The following PAICS variants were observed in gnomAD, a reference collection of about 807,000 sequenced individuals.
PAICS encodes the protein bifunctional phosphoribosylaminoimidazole carboxylase/phosphoribosylaminoimidazole succinocarboxamide synthetase.
Under a neutral mutation model 53.7 loss-of-function variants are expected in PAICS, and 33 were observed. That is an observed-to-expected ratio of 0.61 (90% CI 0.47 to 0.82). PAICS has a LOEUF of 0.82. Ranked by LOEUF, PAICS falls within the 40% of genes least tolerant of loss-of-function variation. The probability of loss-of-function intolerance (pLI) is 0.00; values close to 1 mark genes in which losing one functional copy is unlikely to be tolerated. For missense variants in PAICS, 394 were observed against 494.1 expected (o/e 0.80, Z 1.92); for synonymous variants, 141 against 167.2 (o/e 0.84, Z 1.21).
chr4:56,456,377 C>T (rs2110098597), intron 8 of PAICS, among the ~76,000 whole-genome samples: 1 of 152,292 alleles, frequency 6.6e-6, no homozygotes, highest in Non-Finnish European at 1.5e-5. Flanking sequence ...TGGGCGTCAG[C>T]CACTGTGCCC....
the PAICS span, among the ~76,000 whole-genome samples, chr4:56,412,846 T>C: frequency 1.3e-5 from 2 of 152,192 alleles, no homozygotes; most frequent in Non-Finnish European, 2.9e-5. Context: ...CCATATACTT[T>C]CCACAATACC....
Position 56,453,602 on chromosome 4 carries a change from G to A in PAICS, c.953-1G>A. On this transcript the variant is annotated splice_acceptor_variant, in intron 7 of 8. Transcript: ENST00000512576. LOFTEE classifies it high-confidence loss of function. ...TAATTATACTCTTGTCATTTCCCTA[G>A]GGGATGGCATTCCTACTGTATTTGT... 3 of 1,585,970 alleles carry A rather than the reference G, an allele frequency of 1.9e-6. No homozygotes were observed. The highest frequency in any genetic ancestry group is 2.6e-6 in the Non-Finnish European group (3 of 1,163,028).
chr4:56,436,417 C>T (rs1717965520), intron 1 of PAICS, 89 bp downstream of exon 1: 1 of 1,084,054 alleles, frequency 9.2e-7, no homozygotes, highest in African/African-American at 1.6e-5. Flanking sequence ...AACTCTGTCC[C>T]GCCTCCCTGC....
chr4:56,438,403 A>ATAT (rs71194108), intron 1 of PAICS, among the ~76,000 whole-genome samples: 3 of 114,456 alleles, frequency 2.6e-5, no homozygotes, highest in Admixed American at 9.6e-5. Context: ...ATATATATAT[A>ATAT]AAAGGTTTTT....
the PAICS span, chr4:56,410,691 G>A: frequency 1.0e-6 from 1 of 986,132 alleles, no homozygotes; most frequent in Non-Finnish European, 1.2e-6. Context: ...TGGAAACAGT[G>A]CTGGGCTAAG....
At position 56,459,505 on chromosome 4, in the gene PAICS, G is replaced by A; in HGVS notation, c.1245G>A (p.Gln415=). The A allele has an allele frequency of 6.3e-7, 1 of 1,577,068 alleles. No individual in the cohort carries two copies. The change falls in exon 9 of 9, where the codon CAG becomes CAA. Residue 415 remains glutamine, a synonymous_variant. Transcript: ENST00000512576. ...TGAACACATGGATTTCCTTGAAGCA[G>A]GCTGACAAGAAAATCAGAGAATGTA... The part of the protein sequence containing the change: ...SILNTWISLK[Q]ADKKIRECNL
At chr4:56,437,589 C>T (rs1718082672) in intron 1 of PAICS, among the ~76,000 whole-genome samples, 1 of 151,682 alleles carries the variant, frequency 6.6e-6, no homozygotes, top group Non-Finnish European at 1.5e-5. Flanking sequence ...TTGGGAGTCC[C>T]AGGCGGGCGG....
chr4:56,455,308 A>G (rs17086773), intron 8 of PAICS, among the ~76,000 whole-genome samples: 12,670 of 152,094 alleles, frequency 0.083, 680 homozygotes, highest in East Asian at 0.27. Context: ...TCAGTAGGAG[A>G]TTTGCTTTAT....
the PAICS span, among the ~76,000 whole-genome samples, chr4:56,414,493 T>G: frequency 6.6e-6 from 1 of 152,216 alleles, no homozygotes; most frequent in African/African-American, 2.4e-5. Context: ...GTGGTCAATT[T>G]CCCCTCTATT....
chr4:56,452,209 C>T lies in PAICS; in HGVS notation c.952+157C>T, dbSNP rs551678021. Among the ~76,000 whole-genome samples the T allele has an allele frequency of 2.6e-5, 4 of 152,248 alleles. No individual in the cohort carries two copies. In the East Asian group the frequency reaches 5.8e-4, roughly 22 times the overall value. On this transcript the variant is annotated intron_variant, in intron 7 of 8. Coordinates refer to ENST00000512576, the MANE Select transcript of PAICS (RefSeq NM_001079524.2). ...TTTCTTTTTTTTTGAGATGGAGTCT[C>T]ACTCTGTCGCCCAGGCTGGAGTACA... is the stretch of plus-strand genomic sequence containing the variant.
chr4:56,435,366 C>T, upstream of PAICS: 1 of 1,613,752 alleles, frequency 6.2e-7, no homozygotes, highest in Non-Finnish European at 8.5e-7. Flanking sequence ...TGCAGCCCCA[C>T]GAGTCCCAGA....
chr4:56,435,273 C>G, upstream of PAICS: 1 of 1,593,472 alleles, frequency 6.3e-7, no homozygotes, highest in Non-Finnish European at 8.6e-7. Flanking sequence ...CTCGGGCGCT[C>G]ATGAGAACGC....
the PAICS span, chr4:56,420,763 T>C: frequency 3.9e-5 from 6 of 152,330 alleles, no homozygotes; most frequent in African/African-American, 1.4e-4. Flanking sequence ...GAGACTTTCT[T>C]AGAAGTAGTA....
In PAICS at chr4:56,437,256, GGTGTGTGTGTGT is replaced by G. The variant is rs57161391; in HGVS notation, c.16+959_16+970del. Among the ~76,000 whole-genome samples, 277 of 124,400 alleles carry G rather than the reference GGTGTGTGTGTGT, an allele frequency of 2.2e-3. 5 individuals are homozygous for G. In the South Asian group the frequency reaches 0.047, roughly 21 times the overall value. The allele number at this position is 124,400 out of a possible 152,430, so 81.6% of individuals were successfully genotyped here. On this transcript the variant is annotated intron_variant, in intron 1 of 8. Transcript: ENST00000512576. Reference sequence around the variant, plus strand: ...TTTAGGTAGTCTTTGATGCCATGATGGTGTGTGTGTGTGTGTGTGTGTGTGTGTGTGTGTGTG... The same window carrying G: ...TTTAGGTAGTCTTTGATGCCATGATGGTGTGTGTGTGTGTGTGTGTGTGTG...
the PAICS span, chr4:56,425,342 A>G: frequency 2.7e-6 from 1 of 369,456 alleles, no homozygotes; most frequent in Non-Finnish European, 3.7e-6. Context: ...ATGAAACACA[A>G]TACTGAGAAC....
At chr4:56,438,371 T>TATATATA (rs1718133599) in intron 1 of PAICS, among the ~76,000 whole-genome samples, 22 of 113,636 alleles carry the variant, frequency 1.9e-4, no homozygotes, top group Middle Eastern at 5.2e-3. Context: ...TGCAATGTGT[T>TATATATA]TATATATATA....
chr4:56,423,832 C>G, the PAICS span, among the ~76,000 whole-genome samples: 1 of 151,888 alleles, frequency 6.6e-6, no homozygotes, highest in African/African-American at 2.4e-5. Flanking sequence ...CAGCTAAATA[C>G]GTAAGAAAAA....
At chr4:56,415,251 G>A in the PAICS span, among the ~76,000 whole-genome samples, 1 of 151,616 alleles carries the variant, frequency 6.6e-6, no homozygotes, top group Non-Finnish European at 1.5e-5. Flanking sequence ...TGATTAATGA[G>A]ATGAGTAAAT....
At chr4:56,418,447 A>G in the PAICS span, among the ~76,000 whole-genome samples, 7 of 152,088 alleles carry the variant, frequency 4.6e-5, no homozygotes, top group African/African-American at 1.7e-4. Flanking sequence ...AGCCTCCCAA[A>G]TACCTGAGAC....
Sources: allele counts gnomAD v4.1 joint callset (sites outside exome capture counted in the v4.1 genomes callset), GRCh38; gene constraint gnomAD v4.1.1; transcripts MANE v1.5; gene names NCBI Gene and HGNC (gene_info 2026-07-23, HGNC 2026-07-21).